The following NTN1 variants were observed in gnomAD, a reference collection of about 807,000 sequenced individuals.
NTN1 encodes the protein netrin-1.
A neutral mutation model predicts 54.2 loss-of-function variants in NTN1; 11 were observed. That is an observed-to-expected ratio of 0.20 (90% CI 0.13 to 0.34). The LOEUF (loss-of-function observed/expected upper bound fraction) is 0.34. Ranked by LOEUF, NTN1 falls within the 10% of genes least tolerant of loss-of-function variation. NTN1 has a pLI of 1.00. For missense variants in NTN1, 740 were observed against 893.1 expected, an observed-to-expected ratio of 0.83 and a Z score of 2.18; for synonymous variants, 371 against 382.0, an observed-to-expected ratio of 0.97 and a Z score of 0.33.
At chr17:9,005,069 A>T in the NTN1 span, among the ~76,000 whole-genome samples, 21 of 152,142 alleles carry the variant, frequency 1.4e-4, no homozygotes, top group African/African-American at 5.1e-4. Flanking sequence ...GAAGGATCCC[A>T]GGCACCGCTC....
At chr17:9,128,791 C>G (rs899780421) in intron 2 of NTN1, among the ~76,000 whole-genome samples, 2 of 152,200 alleles carry the variant, frequency 1.3e-5, no homozygotes, top group Non-Finnish European at 2.9e-5. Context: ...TTCACCCAAC[C>G]CGAGTGCAGA....
intron 6 of NTN1, among the ~76,000 whole-genome samples, chr17:9,223,289 C>T (rs781183885): frequency 9.9e-5 from 15 of 152,144 alleles, no homozygotes; most frequent in South Asian, 2.1e-4. Context: ...TGGTGGCTCA[C>T]GCCTGTAATC....
intron 2 of NTN1, among the ~76,000 whole-genome samples, chr17:9,143,476 TGTGC>T (rs1202623461): frequency 1.5e-5 from 1 of 65,362 alleles, no homozygotes; most frequent in Admixed American, 1.7e-4. Flanking sequence ...CTCACTTTGC[TGTGC>T]CCTTTTGGTT....
chr17:9,020,279 G>A (rs1202201443), upstream of NTN1, among the ~76,000 whole-genome samples: 3 of 152,256 alleles, frequency 2.0e-5, no homozygotes, highest in African/African-American at 7.2e-5. Context: ...ACATCTACAA[G>A]TAACAAATAA....
chr17:9,218,347 A>T (rs1905257845), intron 5 of NTN1, among the ~76,000 whole-genome samples: 1 of 152,206 alleles, frequency 6.6e-6, no homozygotes, highest in Admixed American at 6.5e-5. Context: ...AAGGGCCAAG[A>T]CGAGTTCATC....
intron 2 of NTN1, among the ~76,000 whole-genome samples, chr17:9,047,636 A>C (rs973480223): frequency 5.3e-5 from 8 of 151,504 alleles, no homozygotes; most frequent in African/African-American, 1.9e-4. Context: ...GAGGGTTGAA[A>C]TTACTTCCAA....
intron 2 of NTN1, among the ~76,000 whole-genome samples, chr17:9,063,596 G>A (rs1052749661): frequency 6.6e-6 from 1 of 151,556 alleles, no homozygotes; most frequent in African/African-American, 2.4e-5. Context: ...CTCCCAGGCC[G>A]GAGTGCAGTG....
chr17:9,065,847 A>G (rs1406426270), intron 2 of NTN1, among the ~76,000 whole-genome samples: 2 of 152,244 alleles, frequency 1.3e-5, no homozygotes, highest in Non-Finnish European at 2.9e-5. Context: ...CTTAATTTAA[A>G]TAAATTATTA....
intron 3 of NTN1, among the ~76,000 whole-genome samples, chr17:9,167,633 A>G (rs1318671440): frequency 3.3e-5 from 5 of 152,202 alleles, no homozygotes; most frequent in African/African-American, 4.8e-5. Context: ...AGAAGATGCA[A>G]TAATTAGCCA....
chr17:9,020,874 GGCTCAC>G (rs1339862680), upstream of NTN1, among the ~76,000 whole-genome samples: 1 of 152,218 alleles, frequency 6.6e-6, no homozygotes, highest in Non-Finnish European at 1.5e-5. Flanking sequence ...CCGACAGACA[GGCTCAC>G]GCACGGTGAT....
chr17:9,118,469 G>A (rs538592203), intron 2 of NTN1, among the ~76,000 whole-genome samples: 7 of 152,178 alleles, frequency 4.6e-5, no homozygotes, highest in Non-Finnish European at 8.8e-5. Flanking sequence ...CTGAGATGGC[G>A]CCATTGCACT....
At chr17:9,033,909 C>T (rs913265074) in intron 2 of NTN1, among the ~76,000 whole-genome samples, 1 of 129,706 alleles carries the variant, frequency 7.7e-6, no homozygotes, top group African/African-American at 3.0e-5. Flanking sequence ...AAGAGCGAAA[C>T]TCTGTCTCAA....
intron 6 of NTN1, among the ~76,000 whole-genome samples, chr17:9,230,039 C>T (rs539263316): frequency 2.9e-5 from 4 of 138,338 alleles, no homozygotes; most frequent in African/African-American, 8.5e-5. Flanking sequence ...CTCAGGGACA[C>T]GGGGCCTCTC....
intron 3 of NTN1, chr17:9,175,907 G>C (rs1432923429): frequency 6.6e-6 from 1 of 152,194 alleles, no homozygotes; most frequent in Non-Finnish European, 1.5e-5. Context: ...GGTGCTGCCT[G>C]CTCCTTGCAC....
At chr17:9,209,130 T>C (rs920037313) in intron 5 of NTN1, among the ~76,000 whole-genome samples, 1 of 152,234 alleles carries the variant, frequency 6.6e-6, no homozygotes, top group East Asian at 1.9e-4. Context: ...CACGGCACCA[T>C]AGTCATTTCC....
chr17:9,215,250 TACACACAC>T lies in NTN1; in HGVS notation c.1412-5886_1412-5879del, dbSNP rs58245153. ...TTTTATATATACATAGCTAGATAGA[TACACACAC>T]ACACACACACACACACACACACACA... On this transcript the variant is annotated intron_variant, in intron 5 of 6. Transcript: ENST00000173229. Among the ~76,000 whole-genome samples the T allele has an allele frequency of 6.1e-4, 85 of 138,316 alleles. 1 individual carries two copies. The highest frequency in any genetic ancestry group is 2.1e-3 in the South Asian group (9 of 4,342). The allele number at this position is 138,316 out of a possible 152,430, so 90.7% of individuals were successfully genotyped here. A position where few individuals can be genotyped will look rare whatever the true frequency, so the allele number is the denominator to read the frequency against.
At chr17:9,099,299 G>A (rs1445076198) in intron 2 of NTN1, among the ~76,000 whole-genome samples, 1 of 152,128 alleles carries the variant, frequency 6.6e-6, no homozygotes, top group Admixed American at 6.5e-5. Flanking sequence ...CAGCAACTCC[G>A]GAGGCTGAGG....
intron 2 of NTN1, among the ~76,000 whole-genome samples, chr17:9,157,235 A>G (rs148704159): frequency 0.014 from 2,107 of 152,372 alleles, 28 homozygotes; most frequent in Admixed American, 0.029. Context: ...ATTTTCTGAC[A>G]TGAGTTTGTT....
At chr17:9,214,579 T>G (rs912656201) in intron 5 of NTN1, among the ~76,000 whole-genome samples, 1 of 152,212 alleles carries the variant, frequency 6.6e-6, no homozygotes, top group Admixed American at 6.5e-5. Flanking sequence ...TCCCAGCACT[T>G]TGGGAGGCCG....
Sources: gnomAD v4.1 joint callset for allele counts (sites outside exome capture counted in the v4.1 genomes callset) on GRCh38, gnomAD v4.1.1 for gene constraint, MANE v1.5 for transcripts, NCBI Gene and HGNC (gene_info 2026-07-23, HGNC 2026-07-21) for gene names.